Variants in IQCJ observed in about 807,000 individuals in gnomAD.
IQCJ encodes IQ domain-containing protein J.
Under a neutral mutation model 11.0 loss-of-function variants are expected in IQCJ, and 9 were observed. The observed-to-expected ratio is 0.82, with a 90% CI of 0.49 to 1.43. The LOEUF is 1.43. Among genes scored for constraint, IQCJ ranks in the 40% most tolerant of loss-of-function variants. The probability of loss-of-function intolerance (pLI) is 0.00; values close to 1 mark genes in which losing one functional copy is unlikely to be tolerated. For synonymous variants in IQCJ, 55 were observed against 51.3 expected (o/e 1.07, Z -0.31); for missense variants, 146 against 133.2 (o/e 1.10, Z -0.47).
At chr3:159,157,291 A>T (rs779405254) in intron 1 of IQCJ, among the ~76,000 whole-genome samples, 7 of 152,198 alleles carry the variant, frequency 4.6e-5, no homozygotes, top group African/African-American at 1.7e-4. Context: ...GGTATGGCCA[A>T]TTGACCAGAA....
chr3:159,262,521 G>GT, intron 3 of IQCJ, 27 bp from the exon 4 acceptor site: 1 of 1,608,788 alleles, frequency 6.2e-7, no homozygotes, highest in South Asian at 1.1e-5. Flanking sequence ...TGTGTGTGCT[G>GT]TTTTTTGTTT....
intron 1 of IQCJ, among the ~76,000 whole-genome samples, chr3:159,237,752 T>G (rs953508838): frequency 6.6e-6 from 1 of 152,212 alleles, no homozygotes; most frequent in Non-Finnish European, 1.5e-5. Flanking sequence ...ATTTGGTGAG[T>G]CTAACCGAAC....
intron 3 of IQCJ, among the ~76,000 whole-genome samples, chr3:159,257,062 T>C (rs1449026): frequency 0.75 from 114,391 of 152,126 alleles, 43,875 homozygotes; most frequent in African/African-American, 0.87. Context: ...ACTCTAAGCA[T>C]ACTTTATCAT....
chr3:159,186,665 G>C (rs566631322), intron 1 of IQCJ, among the ~76,000 whole-genome samples: 52 of 152,300 alleles, frequency 3.4e-4, no homozygotes, highest in Admixed American at 7.2e-4. Context: ...CAGATGGGAG[G>C]AAAGGTGACT....
chr3:159,075,926 G>T (rs1396971237), intron 1 of IQCJ, among the ~76,000 whole-genome samples: 3 of 152,110 alleles, frequency 2.0e-5, no homozygotes, highest in Admixed American at 2.0e-4. Context: ...CATGGAGGGT[G>T]TGAGCAGAAG....
In IQCJ at chr3:159,165,878, C is replaced by T. The variant is rs538588944; in HGVS notation, c.10-79965C>T. On this transcript the variant is annotated intron_variant, in intron 1 of 3. Transcript: ENST00000397832. ...TCTCTTGACCTCGTGATCTCCCCAC[C>T]TAGGCCTTCCAAAGTGCTGGGATTC... Among the ~76,000 whole-genome samples, 6 of 150,848 alleles carry T rather than the reference C, an allele frequency of 4.0e-5. No individual in the cohort carries two copies. In the East Asian group the frequency reaches 1.2e-3, roughly 30 times the overall value.
chr3:159,193,336 G>A (rs940084283), intron 1 of IQCJ, among the ~76,000 whole-genome samples: 5 of 152,198 alleles, frequency 3.3e-5, no homozygotes, highest in Admixed American at 6.5e-5. Flanking sequence ...AGTACTGGTG[G>A]TGTACTGGCC....
At chr3:159,246,121 A>G (rs114829316) in intron 2 of IQCJ, among the ~76,000 whole-genome samples, 5,745 of 151,142 alleles carry the variant, frequency 0.038, 157 homozygotes, top group Middle Eastern at 0.073. Context: ...ACAGAGTAAT[A>G]TGATGCCTGG....
At chr3:159,219,319 C>T (rs1021659297) in intron 1 of IQCJ, among the ~76,000 whole-genome samples, 1 of 151,896 alleles carries the variant, frequency 6.6e-6, no homozygotes, top group Non-Finnish European at 1.5e-5. Flanking sequence ...TAAAAAAAAA[C>T]TGCTCTTTAT....
chr3:159,133,064 C>G (rs2108164745), intron 1 of IQCJ, among the ~76,000 whole-genome samples: 1 of 151,968 alleles, frequency 6.6e-6, no homozygotes, highest in Non-Finnish European at 1.5e-5. Context: ...TTCTTTGAAC[C>G]ATGCAAGACA....
intron 1 of IQCJ, among the ~76,000 whole-genome samples, chr3:159,118,872 T>C (rs897722497): frequency 2.0e-5 from 3 of 152,228 alleles, no homozygotes; most frequent in Admixed American, 6.5e-5. Context: ...TAGCTCTTGA[T>C]AAAATGATCA....
downstream of IQCJ, chr3:159,265,196 T>C (rs756314140): frequency 6.2e-7 from 1 of 1,605,762 alleles, no homozygotes; most frequent in African/African-American, 1.3e-5. Context: ...AAGCTTGTTT[T>C]ATCTGCTGTG....
At chr3:159,261,648 C>A (rs1577124303) in intron 3 of IQCJ, among the ~76,000 whole-genome samples, 1 of 152,200 alleles carries the variant, frequency 6.6e-6, no homozygotes, top group Non-Finnish European at 1.5e-5. Flanking sequence ...AATTAAACCT[C>A]TTTTCTTAAT....
At chr3:159,234,906 C>G (rs1726486958) in intron 1 of IQCJ, among the ~76,000 whole-genome samples, 1 of 152,178 alleles carries the variant, frequency 6.6e-6, no homozygotes. Context: ...AAAATCTAAT[C>G]TGGATGGTGT....
At chr3:159,112,809 G>T (rs968983161) in intron 1 of IQCJ, among the ~76,000 whole-genome samples, 1 of 152,132 alleles carries the variant, frequency 6.6e-6, no homozygotes, top group African/African-American at 2.4e-5. Context: ...CAGATTACTA[G>T]CTTCCTTAGT....
chr3:159,198,310 A>G (rs535687368), intron 1 of IQCJ, among the ~76,000 whole-genome samples: 1 of 152,332 alleles, frequency 6.6e-6, no homozygotes, highest in South Asian at 2.1e-4. Context: ...AGAAGAAGGG[A>G]GAAAATAATG....
chr3:159,249,668 C>G (rs538488035), intron 2 of IQCJ, among the ~76,000 whole-genome samples: 1 of 152,198 alleles, frequency 6.6e-6, no homozygotes, highest in Non-Finnish European at 1.5e-5. Context: ...TTAGGCATTT[C>G]GTTATAGCTG....
chr3:159,133,757 G>A (rs1720129006), intron 1 of IQCJ, among the ~76,000 whole-genome samples: 1 of 152,140 alleles, frequency 6.6e-6, no homozygotes, highest in Admixed American at 6.6e-5. Flanking sequence ...CCTTAGTAGA[G>A]TGGAAGGCAC....
intron 1 of IQCJ, among the ~76,000 whole-genome samples, chr3:159,076,806 C>T (rs2108050225): frequency 6.6e-6 from 1 of 152,206 alleles, no homozygotes; most frequent in African/African-American, 2.4e-5. Context: ...ACCCAAACTT[C>T]CTAGGCTCAA....
Sources: allele counts gnomAD v4.1 joint callset (sites outside exome capture counted in the v4.1 genomes callset), GRCh38; gene constraint gnomAD v4.1.1; transcripts MANE v1.5; gene names NCBI Gene and HGNC (gene_info 2026-07-23, HGNC 2026-07-21).